Variants in ANKRD33B observed in about 807,000 individuals in gnomAD.
ANKRD33B encodes ankyrin repeat domain-containing protein 33B.
ANKRD33B carries 6 observed loss-of-function variants against 21.5 expected under a neutral mutation model. The ratio of observed to expected loss-of-function variants is 0.28; its 90% confidence interval spans 0.15 to 0.55. The LOEUF (loss-of-function observed/expected upper bound fraction) is 0.55. Ranked by LOEUF, ANKRD33B falls within the 20% of genes least tolerant of loss-of-function variation. ANKRD33B has a pLI of 0.94. For synonymous variants in ANKRD33B, 347 were observed against 342.4 expected (o/e 1.01, Z -0.15); for missense variants, 698 against 747.2 (o/e 0.93, Z 0.77).
intron 1 of ANKRD33B, among the ~76,000 whole-genome samples, chr5:10,609,949 A>G (rs916677498): frequency 6.6e-6 from 1 of 152,150 alleles, no homozygotes; most frequent in Non-Finnish European, 1.5e-5. Context: ...ATACTGATCA[A>G]TGAGGAAAAG....
intron 3 of ANKRD33B, among the ~76,000 whole-genome samples, chr5:10,638,831 C>G (rs1212610544): frequency 6.6e-6 from 1 of 150,804 alleles, no homozygotes; most frequent in East Asian, 1.9e-4. Context: ...GGAGGTGATC[C>G]GGAGTTACAT....
intron 3 of ANKRD33B, among the ~76,000 whole-genome samples, chr5:10,646,225 C>T (rs891324791): frequency 6.6e-6 from 1 of 152,122 alleles, no homozygotes; most frequent in African/African-American, 2.4e-5. Flanking sequence ...GAGCCCTGGG[C>T]AAAACAACAC....
chr5:10,602,357 A>T (rs930040630), intron 1 of ANKRD33B, among the ~76,000 whole-genome samples: 1 of 152,238 alleles, frequency 6.6e-6, no homozygotes, highest in African/African-American at 2.4e-5. Flanking sequence ...GGACTGCACT[A>T]TGAGTGGCCA....
At chr5:10,613,598 A>T (rs577307776) in intron 1 of ANKRD33B, among the ~76,000 whole-genome samples, 3 of 152,288 alleles carry the variant, frequency 2.0e-5, no homozygotes, top group Admixed American at 2.0e-4. Context: ...TTTGTTTTAC[A>T]TAAGAATTCT....
At chr5:10,634,331 C>T (rs2126596436) in intron 2 of ANKRD33B, among the ~76,000 whole-genome samples, 1 of 131,076 alleles carries the variant, frequency 7.6e-6, no homozygotes, top group East Asian at 2.1e-4. Context: ...CAGGGTAGGG[C>T]TTATTGGTGG....
intron 3 of ANKRD33B, 136 bp from the exon 4 acceptor site, chr5:10,649,130 C>A: frequency 7.1e-7 from 1 of 1,417,868 alleles, no homozygotes; most frequent in Non-Finnish European, 9.2e-7. Flanking sequence ...GCAGAGTGAA[C>A]TAGGTGCAGT....
At chr5:10,602,965 A>AC (rs969876559) in intron 1 of ANKRD33B, among the ~76,000 whole-genome samples, 1 of 151,998 alleles carries the variant, frequency 6.6e-6, no homozygotes, top group Non-Finnish European at 1.5e-5. Context: ...GGTGTGCACC[A>AC]CCACACCCAG....
intron 1 of ANKRD33B, among the ~76,000 whole-genome samples, chr5:10,601,018 A>G (rs1735917144): frequency 6.6e-6 from 1 of 152,218 alleles, no homozygotes; most frequent in Non-Finnish European, 1.5e-5. Context: ...CCCAAAGCCC[A>G]GAATGTCATG....
At position 10,654,016 on chromosome 5, in the gene ANKRD33B, C is replaced by G. The variant is rs1737422294; in HGVS notation, c.*3903C>G. ...CACCTTGTCTCTTCTAACTCATTAG[C>G]CTTTCCTTCCTTTGTCTGTTTTCTT... On this transcript the variant is annotated 3_prime_UTR_variant, in exon 4 of 4. Coordinates refer to ENST00000296657, the MANE Select transcript of ANKRD33B (RefSeq NM_001164440.2). The G allele has an allele frequency of 6.6e-6, 1 of 152,594 alleles. No individual in the cohort carries two copies. The highest frequency in any genetic ancestry group is 1.5e-5 in the Non-Finnish European group (1 of 68,258). 9.5% of individuals were successfully genotyped at this position (152,594 alleles called of 1,614,324 possible).
In ANKRD33B at chr5:10,603,890, G is replaced by A. The variant is rs536929449; in HGVS notation, c.367-14443G>A. On this transcript the variant is annotated intron_variant, in intron 1 of 3. Coordinates refer to ENST00000296657, the MANE Select transcript of ANKRD33B (RefSeq NM_001164440.2). Reference sequence around the variant, plus strand: ...TAAACTTTTTAAAATAATTTCAAAAGGAGAACTTTTTTTTTTTTTTTGAGA... The same window carrying A: ...TAAACTTTTTAAAATAATTTCAAAAAGAGAACTTTTTTTTTTTTTTTGAGA... Among the ~76,000 whole-genome samples the A allele has an allele frequency of 4.2e-3, 629 of 151,162 alleles. 4 individuals are homozygous for A. The highest frequency in any genetic ancestry group is 7.0e-3 in the Non-Finnish European group (476 of 67,774).
intron 1 of ANKRD33B, among the ~76,000 whole-genome samples, chr5:10,583,227 G>C (rs1735481516): frequency 1.3e-5 from 2 of 152,102 alleles, no homozygotes; most frequent in African/African-American, 2.4e-5. Flanking sequence ...TTGAACTCCT[G>C]ACCTCAGGTG....
intron 1 of ANKRD33B, among the ~76,000 whole-genome samples, chr5:10,610,498 A>T (rs1736146824): frequency 6.6e-6 from 1 of 151,712 alleles, no homozygotes; most frequent in Admixed American, 6.6e-5. Flanking sequence ...TTTCCAGCTC[A>T]GGTGCATCAG....
chr5:10,642,622 A>G (rs539882914), intron 3 of ANKRD33B, among the ~76,000 whole-genome samples: 2 of 152,202 alleles, frequency 1.3e-5, no homozygotes, highest in Non-Finnish European at 2.9e-5. Flanking sequence ...GGAAGGTGGG[A>G]TGCGGATTGG....
intron 1 of ANKRD33B, among the ~76,000 whole-genome samples, chr5:10,589,763 A>T (rs1735642706): frequency 6.6e-6 from 1 of 152,180 alleles, no homozygotes; most frequent in African/African-American, 2.4e-5. Flanking sequence ...TGGGGTTTAT[A>T]GAGTTTCCTG....
Position 10,653,340 on chromosome 5 carries a change from C to T in ANKRD33B, c.*3227C>T, listed in dbSNP as rs922736850. On this transcript the variant is annotated 3_prime_UTR_variant, in exon 4 of 4. Transcript: ENST00000296657. ...ACCTCTTGCCTCGACCTGTGGGGGG[C>T]CTTCTGCTCTTGTTTTCTCATTCTC... 1 of 152,364 alleles carries T rather than the reference C, an allele frequency of 6.6e-6. No homozygotes were observed. The highest frequency in any genetic ancestry group is 2.4e-5 in the African/African-American group (1 of 41,436). 9.4% of individuals were successfully genotyped at this position (152,364 alleles called of 1,614,324 possible). A position where few individuals can be genotyped will look rare whatever the true frequency, so the allele number is the denominator to read the frequency against.
intron 3 of ANKRD33B, among the ~76,000 whole-genome samples, chr5:10,640,369 C>A (rs1328172405): frequency 1.3e-5 from 2 of 152,178 alleles, no homozygotes; most frequent in African/African-American, 4.8e-5. Flanking sequence ...TTCTCCCTCA[C>A]CTCCCTGAGG....
intron 1 of ANKRD33B, among the ~76,000 whole-genome samples, chr5:10,579,594 A>G (rs145208161): frequency 1.0e-3 from 158 of 152,318 alleles, no homozygotes; most frequent in Middle Eastern, 0.01. Context: ...CAGTGCACAT[A>G]TAGATGATCT....
chr5:10,601,889 C>CAT (rs1373353371), intron 1 of ANKRD33B, among the ~76,000 whole-genome samples: 1 of 152,252 alleles, frequency 6.6e-6, no homozygotes, highest in East Asian at 1.9e-4. Flanking sequence ...CATTTCCCCC[C>CAT]ATGGGGCCAG....
intron 1 of ANKRD33B, among the ~76,000 whole-genome samples, chr5:10,610,830 A>C (rs1736154142): frequency 6.6e-6 from 1 of 152,150 alleles, no homozygotes; most frequent in Non-Finnish European, 1.5e-5. Context: ...GGATCACCTG[A>C]GGTCAGGAGT....
Sources: allele counts gnomAD v4.1 joint callset (sites outside exome capture counted in the v4.1 genomes callset), GRCh38; gene constraint gnomAD v4.1.1; transcripts MANE v1.5; gene names NCBI Gene and HGNC (gene_info 2026-07-23, HGNC 2026-07-21).